Variants in RBFOX3 observed in about 807,000 individuals in gnomAD.
RBFOX3 encodes the protein RNA binding fox-1 homolog 3, also known as RNA binding protein fox-1 homolog 3.
A neutral mutation model predicts 48.7 loss-of-function variants in RBFOX3; 17 were observed. That is an observed-to-expected ratio of 0.35 (90% CI 0.24 to 0.52). The LOEUF is 0.52. Among genes scored for constraint, RBFOX3 ranks in the 20% least tolerant of loss-of-function variants. The pLI, the probability that RBFOX3 is intolerant of heterozygous loss-of-function variation, is 0.94. For missense variants in RBFOX3, 382 were observed against 497.5 expected (o/e 0.77, Z 2.21); for synonymous variants, 212 against 209.5 (o/e 1.01, Z -0.10).
intron 2 of RBFOX3, among the ~76,000 whole-genome samples, chr17:79,328,866 T>C (rs1357115246): frequency 6.6e-6 from 1 of 152,080 alleles, no homozygotes. Context: ...GGGATAGGGA[T>C]GGGGCATCAG....
intron 1 of RBFOX3, among the ~76,000 whole-genome samples, chr17:79,497,300 C>G (rs1003851434): frequency 6.6e-6 from 1 of 152,186 alleles, no homozygotes; most frequent in Non-Finnish European, 1.5e-5. Flanking sequence ...GTAAATTACC[C>G]TCAGTTTTTT....
At chr17:79,653,504 C>G in the RBFOX3 span, among the ~76,000 whole-genome samples, 1 of 152,082 alleles carries the variant, frequency 6.6e-6, no homozygotes, top group African/African-American at 2.4e-5. Flanking sequence ...GTAGATTTAA[C>G]GAAGATTGAG....
intron 4 of RBFOX3, among the ~76,000 whole-genome samples, chr17:79,206,567 C>T (rs2057522141): frequency 1.3e-5 from 2 of 152,178 alleles, no homozygotes; most frequent in African/African-American, 4.8e-5. Context: ...CCTGTGTCCA[C>T]CTTGTCTCCT....
chr17:79,635,707 G>A, the RBFOX3 span, among the ~76,000 whole-genome samples: 1 of 152,142 alleles, frequency 6.6e-6, no homozygotes, highest in Non-Finnish European at 1.5e-5. Flanking sequence ...ACAAAAGATT[G>A]ATTTCCTTCA....
At chr17:79,188,977 C>T (rs1463150108) in intron 4 of RBFOX3, among the ~76,000 whole-genome samples, 2 of 152,222 alleles carry the variant, frequency 1.3e-5, no homozygotes, top group Non-Finnish European at 2.9e-5. Context: ...TGTGGCCAAG[C>T]CACCGTTTGG....
chr17:79,277,301 GGA>G (rs879610028), intron 3 of RBFOX3, among the ~76,000 whole-genome samples: 1,447 of 88,252 alleles, frequency 0.016, 29 homozygotes, highest in African/African-American at 0.045. Flanking sequence ...CCAATGGTGG[GGA>G]GGGGGGGGGT....
Position 79,429,161 on chromosome 17 carries a change from C to T in RBFOX3, c.-175+53293G>A, listed in dbSNP as rs1391079732. The stretch of plus-strand genomic sequence containing the variant: ...CAGAGGCACACACGCTCACACACGG[C>T]CGTGGAGCATGCTCCTTGCAGCCTC... On this transcript the variant is annotated intron_variant, in intron 2 of 14. Coordinates refer to ENST00000693108, the MANE Select transcript of RBFOX3 (RefSeq NM_001350451.2). 3.9e-5 allele frequency among the ~76,000 whole-genome samples: 6 copies of T among 152,270 alleles called. No individual in the cohort carries two copies. The East Asian group carries it at 5.8e-4, about 15-fold the overall frequency.
At chr17:79,567,564 G>T (rs1334387780) in intron 1 of RBFOX3, among the ~76,000 whole-genome samples, 1 of 147,430 alleles carries the variant, frequency 6.8e-6, no homozygotes, top group Admixed American at 6.9e-5. Context: ...TAAATGACAG[G>T]TTTCCCTGAT....
chr17:79,586,727 T>A (rs2144962681), intron 1 of RBFOX3, among the ~76,000 whole-genome samples: 1 of 152,324 alleles, frequency 6.6e-6, no homozygotes, highest in South Asian at 2.1e-4. Context: ...CCTGCAGAGT[T>A]CTCAGAAGCA....
At chr17:79,171,654 A>G (rs566299045) in intron 4 of RBFOX3, among the ~76,000 whole-genome samples, 1 of 147,488 alleles carries the variant, frequency 6.8e-6, no homozygotes, top group Non-Finnish European at 1.5e-5. Context: ...AAAAAAATAG[A>G]TCTTGCCACT....
chr17:79,476,654 G>A (rs1350522782), intron 2 of RBFOX3, among the ~76,000 whole-genome samples: 4 of 152,278 alleles, frequency 2.6e-5, no homozygotes, highest in East Asian at 1.9e-4. Context: ...TCTCCTCTCC[G>A]ACCCCTGTGA....
intron 2 of RBFOX3, among the ~76,000 whole-genome samples, chr17:79,474,506 G>C (rs1273564338): frequency 6.6e-6 from 1 of 152,154 alleles, no homozygotes; most frequent in African/African-American, 2.4e-5. Flanking sequence ...TTATCGCTGG[G>C]GGACTCAGCA....
At chr17:79,547,953 G>A (rs1555792467) in intron 1 of RBFOX3, among the ~76,000 whole-genome samples, 1 of 152,150 alleles carries the variant, frequency 6.6e-6, no homozygotes, top group Non-Finnish European at 1.5e-5. Context: ...CCCTGCCGAG[G>A]GCTGGCCATC....
intron 2 of RBFOX3, among the ~76,000 whole-genome samples, chr17:79,396,472 A>G (rs1051351205): frequency 3.9e-5 from 6 of 152,202 alleles, no homozygotes; most frequent in Non-Finnish European, 7.4e-5. Flanking sequence ...GCACAATGAT[A>G]CCAGAAGAAT....
intron 2 of RBFOX3, among the ~76,000 whole-genome samples, chr17:79,459,915 G>T (rs2075148046): frequency 6.6e-6 from 1 of 152,168 alleles, no homozygotes; most frequent in African/African-American, 2.4e-5. Context: ...TCCCTTGATG[G>T]TTGAATGGAT....
At chr17:79,596,724 C>T (rs1207435017) in intron 1 of RBFOX3, among the ~76,000 whole-genome samples, 3 of 151,978 alleles carry the variant, frequency 2.0e-5, no homozygotes, top group Non-Finnish European at 4.4e-5. Context: ...GAGCTGCAGA[C>T]GCCCATCAGG....
At chr17:79,269,841 C>T (rs2067354482) in intron 3 of RBFOX3, among the ~76,000 whole-genome samples, 1 of 150,946 alleles carries the variant, frequency 6.6e-6, no homozygotes, top group African/African-American at 2.5e-5. Flanking sequence ...GCAAGGTGAG[C>T]CCCACCACTG....
At chr17:79,229,035 T>C (rs2147701610) in intron 4 of RBFOX3, among the ~76,000 whole-genome samples, 1 of 118,414 alleles carries the variant, frequency 8.4e-6, no homozygotes, top group Middle Eastern at 5.5e-3. Context: ...CAAGACCAGC[T>C]GGCCAATATG....
chr17:79,126,791 T>C (rs1322499916), intron 4 of RBFOX3, among the ~76,000 whole-genome samples: 1 of 152,188 alleles, frequency 6.6e-6, no homozygotes, highest in East Asian at 1.9e-4. Context: ...CCCGGACCTC[T>C]GCTCAAACAA....
Sources: gnomAD v4.1 joint callset for allele counts (sites outside exome capture counted in the v4.1 genomes callset) on GRCh38, gnomAD v4.1.1 for gene constraint, MANE v1.5 for transcripts, NCBI Gene and HGNC (gene_info 2026-07-23, HGNC 2026-07-21) for gene names.